The following COL2A1 variants were observed in gnomAD, a reference collection of about 807,000 sequenced individuals.
COL2A1 encodes the protein collagen alpha-1(II) chain.
COL2A1 carries 28 observed loss-of-function variants against 204.5 expected under a neutral mutation model. The ratio of observed to expected loss-of-function variants is 0.14; its 90% confidence interval spans 0.10 to 0.19. The LOEUF is 0.19. Among genes scored for constraint, COL2A1 ranks in the 10% least tolerant of loss-of-function variants. The probability of loss-of-function intolerance (pLI) is 1.00; values close to 1 mark genes in which losing one functional copy is unlikely to be tolerated. For synonymous variants in COL2A1, 708 were observed against 718.7 expected (o/e 0.99, Z 0.24); for missense variants, 1,388 against 2,027.5 (o/e 0.68, Z 6.06).
chr12:47,982,931 G>A lies in COL2A1; in HGVS notation c.2110C>T (p.Pro704Ser). ...LVGPRGERGF[P>S]GERGSPGAQG... is the part of the protein sequence containing the mutation. ...GCACCGGGAGAGCCACGTTCACCTG[G>A]GAAACCTCGTTCACCCTGCGGCAGA... Residue 704 changes from proline (P) to serine (S), a missense_variant, in exon 33 of 54, where the codon CCA (proline) becomes TCA (serine). Physicochemically the swap from Pro to Ser is moderately conservative, Grantham distance 74. Transcript: ENST00000380518. 1 of 1,613,640 alleles carries A rather than the reference G, an allele frequency of 6.2e-7. No individual in the cohort carries two copies. The highest frequency in any genetic ancestry group is 1.1e-5 in the South Asian group (1 of 91,076).
intron 16 of COL2A1, among the ~76,000 whole-genome samples, chr12:47,991,553 A>T (rs139351306): frequency 6.6e-6 from 1 of 152,094 alleles, no homozygotes; most frequent in Non-Finnish European, 1.5e-5. Flanking sequence ...GTCTGATGGG[A>T]GGGGAGAGGG....
rs367806541 is a variant in COL2A1, at chr12:47,978,630, G to A, written c.2862C>T (p.Gly954=). 1 of 1,613,458 alleles carries A rather than the reference G, an allele frequency of 6.2e-7. No homozygotes were observed. The highest frequency in any genetic ancestry group is 1.3e-5 in the African/African-American group (1 of 75,012). The change falls in exon 42 of 54, where the codon GGC becomes GGT. Residue 954 remains glycine, a synonymous_variant. Transcript: ENST00000380518. This position sits in a 1 kb window ranked among gnomAD's most constrained non-coding sequence, Gnocchi z 5.5. ...CGTCATCTCCAGGCTCTCCCTTCTC[G>A]CCAGGGGGTCCAGCAGGACCTTGGA... is the stretch of plus-strand genomic sequence containing the variant. ...PGLQGPAGPP[G]EKGEPGDDGP... is the part of the protein sequence containing the mutation.
chr12:47,984,515 C>T lies in COL2A1; in HGVS notation c.1887+31G>A, dbSNP rs745341214. ...CTCCCTGCAGATGCCCGGCCAACAC[C>T]AAGTCATGGGCAGCGGGGAAGGATA... On this transcript the variant is annotated intron_variant, in intron 28 of 53. Coordinates refer to ENST00000380518, the MANE Select transcript of COL2A1 (RefSeq NM_001844.5). 11 of 1,613,278 alleles carry T rather than the reference C, an allele frequency of 6.8e-6. No homozygotes were observed. The East Asian group carries it at 1.3e-4, about 20-fold the overall frequency.
At position 47,987,520 on chromosome 12, in the gene COL2A1, G is replaced by A. The variant is rs1939488681; in HGVS notation, c.1221+91C>T. On this transcript the variant is annotated intron_variant, in intron 19 of 53. Transcript: ENST00000380518. The surrounding 1 kb of genome is among the most constrained non-coding windows in gnomAD (Gnocchi z 4.1). ...GGCCAGAATGAAGGTTTGGTGGTTG[G>A]AGCCCACAACTGTCAGAGCAAAGTA... 8 of 1,235,204 alleles carry A rather than the reference G, an allele frequency of 6.5e-6. No homozygotes were observed. In the South Asian group the frequency reaches 1.0e-4, roughly 16 times the overall value. 76.5% of individuals were successfully genotyped at this position (1,235,204 alleles called of 1,614,324 possible).
intron 3 of COL2A1, 106 bp from the exon 4 acceptor site, chr12:47,998,307 T>A: frequency 1.3e-6 from 2 of 1,539,984 alleles, no homozygotes; most frequent in Non-Finnish European, 9.0e-7. Context: ...GAAACAGATA[T>A]CTTCTGATGT....
intron 16 of COL2A1, among the ~76,000 whole-genome samples, chr12:47,990,544 T>C (rs1939655559): frequency 6.6e-6 from 1 of 152,190 alleles, no homozygotes; most frequent in African/African-American, 2.4e-5. Context: ...CTCCTCTTGG[T>C]TGACTCCAGG....
chr12:47,981,509 C>A, intron 36 of COL2A1, 113 bp from the exon 37 acceptor site: 1 of 991,710 alleles, frequency 1.0e-6, no homozygotes, highest in East Asian at 2.6e-5. Flanking sequence ...CCAGGTCCCC[C>A]TGGCACAGCC....
intron 36 of COL2A1, 114 bp downstream of exon 36, chr12:47,981,662 T>A: frequency 7.8e-7 from 1 of 1,278,376 alleles, no homozygotes; most frequent in Non-Finnish European, 1.1e-6. Context: ...TCCTACGGCC[T>A]TGGCCGAGGG....
rs1225155592 is a variant in COL2A1, at chr12:47,985,521, A to AG, written c.1734+12dup. Reference sequence around the variant, plus strand: ...CCCCCACCCTCCTAGCAGCCCTCAGAGGATAGACTTACAGAAGGGCCAACT... The same window carrying AG: ...CCCCCACCCTCCTAGCAGCCCTCAGAGGGATAGACTTACAGAAGGGCCAACT... On this transcript the variant is annotated intron_variant, in intron 26 of 53. Transcript: ENST00000380518. The AG allele has an allele frequency of 6.2e-7, 1 of 1,613,402 alleles. No homozygotes were observed. Among genetic ancestry groups the AG allele is most frequent in the Admixed American group, 1.7e-5 (1 of 60,002 alleles).
rs1413494593 is a variant in COL2A1, at chr12:47,978,897, AC to A, written c.2734-140del. ...CCCCACACTAAGGGCAGGCAGCTTA[AC>A]CCCCCCAACCCCAATCTACCGCTGC... On this transcript the variant is annotated intron_variant, in intron 41 of 53. Transcript: ENST00000380518. This position sits in a 1 kb window ranked among gnomAD's most constrained non-coding sequence, Gnocchi z 5.5. 3.6e-5 allele frequency: 29 copies of A among 816,742 alleles called. No homozygotes were observed. Among genetic ancestry groups the A allele is most frequent in the East Asian group, 1.9e-4 (7 of 37,436 alleles). 50.6% of individuals were successfully genotyped at this position (816,742 alleles called of 1,614,324 possible).
Position 47,991,346 on chromosome 12 carries a change from C to T in COL2A1, c.1023+1532G>A, listed in dbSNP as rs75655288. On this transcript the variant is annotated intron_variant, in intron 16 of 53. Coordinates refer to ENST00000380518, the MANE Select transcript of COL2A1 (RefSeq NM_001844.5). Reference sequence around the variant, plus strand: ...AGGCCCAAGGGAGGGCACATGACCACAGCAGGCAGACACCAACCCAGCCCA... The same window carrying T: ...AGGCCCAAGGGAGGGCACATGACCATAGCAGGCAGACACCAACCCAGCCCA... Among the ~76,000 whole-genome samples, 1,242 of 152,334 alleles carry T rather than the reference C, an allele frequency of 8.2e-3. 6 individuals carry two copies. The highest frequency in any genetic ancestry group is 0.014 in the Non-Finnish European group (966 of 68,022).
At chr12:47,996,442 G>T in intron 8 of COL2A1, 106 bp downstream of exon 8, 1 of 976,568 alleles carries the variant, frequency 1.0e-6, no homozygotes, top group Non-Finnish European at 1.7e-6. Flanking sequence ...ACGGAGGAGA[G>T]CCACTCTAAG....
Position 47,978,746 on chromosome 12 carries a change from G to C in COL2A1, c.2746C>G (p.Pro916Ala). ...GPPGSNGNPG[P>A]PGPPGPSGKD... is the part of the protein sequence containing the mutation. ...CCAGAAGGACCAGGGGGACCAGGGGGTCCAGGGTTGCCCTAGAAGGAGAAA... is the reference window on the plus strand; with the variant it reads ...CCAGAAGGACCAGGGGGACCAGGGGCTCCAGGGTTGCCCTAGAAGGAGAAA... The change falls in exon 42 of 54, where the codon CCC becomes GCC. Residue 916 changes from proline to alanine, a missense_variant. Transcript: ENST00000380518. The surrounding 1 kb of genome is among the most constrained non-coding windows in gnomAD (Gnocchi z 5.5). 1.2e-6 allele frequency: 2 copies of C among 1,613,034 alleles called. No individual in the cohort carries two copies. The highest frequency in any genetic ancestry group is 1.7e-6 in the Non-Finnish European group (2 of 1,179,984).
chr12:47,981,016 C>T lies in COL2A1; in HGVS notation c.2464-48G>A, dbSNP rs1180381387. 3.3e-6 allele frequency: 5 copies of T among 1,529,228 alleles called. No individual in the cohort carries two copies. The Admixed American group carries it at 5.9e-5, about 18-fold the overall frequency. 94.7% of individuals were successfully genotyped at this position (1,529,228 alleles called of 1,614,324 possible). A position where few individuals can be genotyped will look rare whatever the true frequency, so the allele number is the denominator to read the frequency against. On this transcript the variant is annotated intron_variant, in intron 37 of 53. Coordinates refer to ENST00000380518, the MANE Select transcript of COL2A1 (RefSeq NM_001844.5). ...GAGAGGTCAGGCCCCGCTGCCTGAC[C>T]TGCTTCTGCTCCCCTCCAAGAGCCC...
At chr12:48,005,461 G>T (rs1201330238), upstream of COL2A1, 1 of 152,246 alleles carries the variant, frequency 6.6e-6, no homozygotes, top group Non-Finnish European at 1.5e-5. Context: ...TCACTGCTGC[G>T]GCCCTGGCCA....
Position 47,981,924 on chromosome 12 carries a change from G to A in COL2A1, c.2356-95C>T, listed in dbSNP as rs41263859. ...GCCAACCTTGGTGCGTGCTCCCACC[G>A]CCTCCAGAGCTCCCACTTACCCTCT... On this transcript the variant is annotated intron_variant, in intron 35 of 53. Transcript: ENST00000380518. The A allele has an allele frequency of 2.5e-3, 3,348 of 1,357,106 alleles. 70 individuals carry two copies. The African/African-American group carries it at 0.041, about 17-fold the overall frequency. The allele number at this position is 1,357,106 out of a possible 1,614,324, so 84.1% of individuals were successfully genotyped here.
intron 23 of COL2A1, 37 bp downstream of exon 23, chr12:47,986,299 C>T: frequency 7.4e-7 from 1 of 1,350,106 alleles, no homozygotes; most frequent in Non-Finnish European, 1.0e-6. Flanking sequence ...CTCGAGGTCA[C>T]AGGCCCCATG....
intron 1 of COL2A1, among the ~76,000 whole-genome samples, chr12:48,001,548 G>C (rs1940233148): frequency 6.6e-6 from 1 of 152,170 alleles, no homozygotes; most frequent in Non-Finnish European, 1.5e-5. Context: ...GAGGACCCAG[G>C]GAGGAGAGGG....
At position 47,987,128 on chromosome 12, in the gene COL2A1, G is replaced by A. The variant is rs758071106; in HGVS notation, c.1315C>T (p.Pro439Ser). The change falls in exon 21 of 54, where the codon CCT becomes TCT. Residue 439 changes from proline to serine, a missense_variant. Transcript: ENST00000380518. This position sits in a 1 kb window ranked among gnomAD's most constrained non-coding sequence, Gnocchi z 4.1. ...GAPGFPGPRGPPGPQGATGPL... is the reference protein window; with the variant it reads ...GAPGFPGPRGSPGPQGATGPL... The stretch of plus-strand genomic sequence containing the variant: ...CCAGTTGCACCTTGAGGGCCAGGAG[G>A]GCCCCGTGGCCCAGGGAAGCCAGGA... 3 of 1,614,134 alleles carry A rather than the reference G, an allele frequency of 1.9e-6. No individual in the cohort carries two copies. Among genetic ancestry groups the A allele is most frequent in the East Asian group, 2.2e-5 (1 of 44,858 alleles).
Sources: allele counts gnomAD v4.1 joint callset (sites outside exome capture counted in the v4.1 genomes callset), GRCh38; gene constraint gnomAD v4.1.1; non-coding constraint Gnocchi (gnomAD v3.1); transcripts MANE v1.5; gene names NCBI Gene and HGNC (gene_info 2026-07-23, HGNC 2026-07-21).